The following SERPINA3 variants were observed in gnomAD, a reference collection of about 807,000 sequenced individuals.
SERPINA3 encodes the protein serpin family A member 3.
In SERPINA3, 32 loss-of-function variants were observed where a neutral mutation model predicts 26.8. The ratio of observed to expected loss-of-function variants is 1.20; its 90% confidence interval spans 0.90 to 1.61. The LOEUF is 1.61. Ranked by LOEUF, SERPINA3 falls within the 40% of genes most tolerant of loss-of-function variation. The pLI is 0.00. For synonymous variants in SERPINA3, 252 were observed against 206.4 expected, an observed-to-expected ratio of 1.22 and a Z score of -1.89; for missense variants, 632 against 517.9, an observed-to-expected ratio of 1.22 and a Z score of -2.14.
chr14:94,616,078 G>A (rs1286762967), intron 2 of SERPINA3, among the ~76,000 whole-genome samples: 1 of 152,152 alleles, frequency 6.6e-6, no homozygotes. Context: ...CTCCCTCTAA[G>A]ACTACTCCAC....
intron 1 of SERPINA3, among the ~76,000 whole-genome samples, chr14:94,612,892 G>C (rs912260398): frequency 3.3e-5 from 5 of 152,128 alleles, no homozygotes; most frequent in African/African-American, 1.2e-4. Flanking sequence ...TGCCTCGGGA[G>C]CTCCACTTCC....
intron 3 of SERPINA3, among the ~76,000 whole-genome samples, chr14:94,621,617 A>T (rs907634821): frequency 3.9e-5 from 6 of 152,110 alleles, no homozygotes; most frequent in Non-Finnish European, 8.8e-5. Context: ...TACCTGCTCT[A>T]TGCCAGCCCA....
chr14:94,616,112 G>C (rs1435721873), intron 2 of SERPINA3, among the ~76,000 whole-genome samples: 1 of 152,166 alleles, frequency 6.6e-6, no homozygotes, highest in Non-Finnish European at 1.5e-5. Context: ...TTTGTTCTCT[G>C]AGTTTCCCAT....
At chr14:94,621,787 T>C (rs1488320288) in intron 3 of SERPINA3, among the ~76,000 whole-genome samples, 1 of 152,124 alleles carries the variant, frequency 6.6e-6, no homozygotes, top group Non-Finnish European at 1.5e-5. Flanking sequence ...CATCCCTCAC[T>C]ACCCTCCTCC....
At chr14:94,622,212 C>T in intron 3 of SERPINA3, 129 bp from the exon 4 acceptor site, 1 of 833,606 alleles carries the variant, frequency 1.2e-6, no homozygotes, top group South Asian at 1.4e-5. Context: ...AATTGAGGAA[C>T]AGATTATTTA....
chr14:94,614,611 C>T lies in SERPINA3; in HGVS notation c.170C>T (p.Ala57Val). The T allele has an allele frequency of 6.2e-7, 1 of 1,614,148 alleles. No individual in the cohort carries two copies. Among genetic ancestry groups the T allele is most frequent in the Non-Finnish European group, 8.5e-7 (1 of 1,180,040 alleles). Reference protein sequence around the residue: ...LGLASANVDFAFSLYKQLVLK... With the variant: ...LGLASANVDFVFSLYKQLVLK... ...TTAGCCTCCGCCAACGTGGACTTCG[C>T]TTTCAGCCTGTACAAGCAGTTAGTC... is the stretch of plus-strand genomic sequence containing the variant. The change falls in exon 2 of 5, where the codon GCT becomes GTT. Residue 57 changes from alanine (A) to valine (V), a missense_variant. Ala to Val is a moderately conservative substitution (Grantham distance 64). Coordinates refer to ENST00000393078, the MANE Select transcript of SERPINA3 (RefSeq NM_001085.5).
chr14:94,614,750 C>T lies in SERPINA3; in HGVS notation c.309C>T (p.Leu103=). The T allele has an allele frequency of 1.2e-6, 2 of 1,614,178 alleles. No homozygotes were observed. The highest frequency in any genetic ancestry group is 1.7e-6 in the Non-Finnish European group (2 of 1,180,030). The change falls in exon 2 of 5, where the codon CTC becomes CTT. Residue 103 remains leucine (L), a synonymous_variant. Coordinates refer to ENST00000393078, the MANE Select transcript of SERPINA3 (RefSeq NM_001085.5). ...CCCTGACAGAGATTCTCAAAGGCCT[C>T]AAGTTCAACCTCACGGAGACTTCTG... The part of the protein sequence containing the change: ...NTTLTEILKG[L]KFNLTETSEA...
intron 3 of SERPINA3, chr14:94,620,007 G>A (rs1326947289): frequency 4.8e-6 from 1 of 210,046 alleles, no homozygotes; most frequent in African/African-American, 2.3e-5. Context: ...AGAGGGGACA[G>A]GCAATAAATA....
In SERPINA3 at chr14:94,622,430, C is replaced by A. The variant is rs761837151; in HGVS notation, c.1007C>A (p.Ala336Asp). Residue 336 changes from alanine to aspartate, a missense_variant, in exon 4 of 5, where the codon GCC (alanine) becomes GAC (aspartate). Ala to Asp is a moderately radical substitution (Grantham distance 126, BLOSUM62 -2). Transcript: ENST00000393078. ...CTTCTCCAGCTGGGCATTGAGGAAGCCTTCACCAGCAAGGCTGACCTGTCA... is the reference window on the plus strand; with the variant it reads ...CTTCTCCAGCTGGGCATTGAGGAAGACTTCACCAGCAAGGCTGACCTGTCA... ...DILLQLGIEE[A>D]FTSKADLSGI... 1.2e-6 allele frequency: 2 copies of A among 1,614,092 alleles called. No homozygotes were observed. The highest frequency in any genetic ancestry group is 3.3e-5 in the Admixed American group (2 of 60,014).
rs145637366 is a variant in SERPINA3 at position 94,613,672 on chromosome 14, C to A, written c.-8-762C>A. 9.1e-3 allele frequency: 1,385 copies of A among 152,426 alleles called. 4 individuals are homozygous for A. The highest frequency in any genetic ancestry group is 0.015 in the Non-Finnish European group (1,025 of 68,124). 9.4% of individuals were successfully genotyped at this position (152,426 alleles called of 1,614,324 possible). On this transcript the variant is annotated intron_variant, in intron 1 of 4. Coordinates refer to ENST00000393078, the MANE Select transcript of SERPINA3 (RefSeq NM_001085.5). Reference sequence around the variant, plus strand: ...AGTCCAAGTCTGGGAGACTCCAAAGCCCTCTCTGCCTTCTCCCCACTAAGA... The same window carrying A: ...AGTCCAAGTCTGGGAGACTCCAAAGACCTCTCTGCCTTCTCCCCACTAAGA...
At chr14:94,614,257 T>C in intron 1 of SERPINA3, 177 bp from the exon 2 acceptor site, 1 of 629,758 alleles carries the variant, frequency 1.6e-6, no homozygotes, top group Non-Finnish European at 2.8e-6. Context: ...CCTCAAAGGG[T>C]GAAATGAAGC....
rs1322682302 is a variant in SERPINA3, at chr14:94,619,404, G to A, written c.853G>A (p.Glu285Lys). 4.3e-6 allele frequency: 7 copies of A among 1,614,056 alleles called. No homozygotes were observed. Among genetic ancestry groups the A allele is most frequent in the African/African-American group, 1.3e-5 (1 of 74,928 alleles). ...LFILPDQDKM[E>K]EVEAMLLPET... Reference sequence around the variant, plus strand: ...CATCCTCCCTGATCAAGACAAGATGGAGGAAGTGGAAGCCATGCTGCTCCC... The same window carrying A: ...CATCCTCCCTGATCAAGACAAGATGAAGGAAGTGGAAGCCATGCTGCTCCC... The change falls in exon 3 of 5, where the codon GAG becomes AAG. Residue 285 changes from glutamate (E) to lysine (K), a missense_variant. Coordinates refer to ENST00000393078, the MANE Select transcript of SERPINA3 (RefSeq NM_001085.5).
intron 3 of SERPINA3, 146 bp from the exon 4 acceptor site, chr14:94,622,195 G>A (rs1886224804): frequency 2.6e-6 from 2 of 760,638 alleles, no homozygotes; most frequent in Non-Finnish European, 4.6e-6. Flanking sequence ...AAAGACAGGG[G>A]TTAAGAAATT....
chr14:94,619,508 C>G, intron 3 of SERPINA3, 40 bp downstream of exon 3: 1 of 1,612,168 alleles, frequency 6.2e-7, no homozygotes, highest in Non-Finnish European at 8.5e-7. Context: ...CATCTCTCCA[C>G]GTCAAGGTCT....
At chr14:94,614,017 C>A (rs1885881027) in intron 1 of SERPINA3, 1 of 184,632 alleles carries the variant, frequency 5.4e-6, no homozygotes, top group South Asian at 1.2e-4. Flanking sequence ...AAGGGAGCCC[C>A]TGCTTTCTAA....
intron 4 of SERPINA3, among the ~76,000 whole-genome samples, chr14:94,623,142 A>G (rs1886269586): frequency 1.3e-5 from 2 of 152,218 alleles, no homozygotes; most frequent in African/African-American, 4.8e-5. Context: ...AAGTACTTGA[A>G]AGCCCCAAGG....
intron 2 of SERPINA3, 174 bp from the exon 3 acceptor site, chr14:94,619,021 C>T (rs925373548): frequency 4.2e-6 from 3 of 709,670 alleles, no homozygotes; most frequent in Non-Finnish European, 7.5e-6. Context: ...CCAATCCAAG[C>T]CTGCTGGGCT....
intron 2 of SERPINA3, chr14:94,618,805 G>A: frequency 2.9e-6 from 1 of 350,818 alleles, no homozygotes; most frequent in South Asian, 2.5e-5. Context: ...TAATACCAGT[G>A]AGTAATAATT....
rs757542578 is a variant in SERPINA3 at position 94,623,828 on chromosome 14, G to A, written c.*14G>A. On this transcript the variant is annotated 3_prime_UTR_variant, in exon 5 of 5. Coordinates refer to ENST00000393078, the MANE Select transcript of SERPINA3 (RefSeq NM_001085.5). ...AAGCAAGCCTAGAGCTTGCCATCAA[G>A]CAGTGGGGCTCTCAGTAAGGAACTT... The A allele has an allele frequency of 6.2e-7, 1 of 1,611,844 alleles. No homozygotes were observed. The highest frequency in any genetic ancestry group is 1.3e-5 in the African/African-American group (1 of 74,994).
Sources: allele counts gnomAD v4.1 joint callset (sites outside exome capture counted in the v4.1 genomes callset), GRCh38; gene constraint gnomAD v4.1.1; transcripts MANE v1.5; gene names NCBI Gene and HGNC (gene_info 2026-07-23, HGNC 2026-07-21).